The following TMEFF1 variants were observed in gnomAD, a reference collection of about 807,000 sequenced individuals.
TMEFF1 encodes the protein tomoregulin-1.
Under a neutral mutation model 47.5 loss-of-function variants are expected in TMEFF1, and 20 were observed. The observed-to-expected ratio is 0.42, with a 90% CI of 0.30 to 0.61. TMEFF1 has a LOEUF of 0.61. TMEFF1 is among the 20% of genes least tolerant of loss of function. The pLI is 0.19. For synonymous variants in TMEFF1, 162 were observed against 166.3 expected, an observed-to-expected ratio of 0.97 and a Z score of 0.20; for missense variants, 411 against 471.1, an observed-to-expected ratio of 0.87 and a Z score of 1.18.
chr9:100,473,741 G>A lies in TMEFF1; in HGVS notation c.196+1G>A. ...AAAGGCAAGAGCATCAACTGCTCAG[G>A]TAGGACCGGTCGGAGCCGGCCCTAG... On this transcript the variant is annotated splice_donor_variant, in intron 1 of 9. Coordinates refer to ENST00000374879, the MANE Select transcript of TMEFF1 (RefSeq NM_003692.5). LOFTEE classifies it high-confidence loss of function. The surrounding 1 kb of genome is among the most constrained non-coding windows in gnomAD (Gnocchi z 5.4). The A allele has an allele frequency of 1.3e-6, 2 of 1,514,560 alleles. No homozygotes were observed. The highest frequency in any genetic ancestry group is 8.9e-7 in the Non-Finnish European group (1 of 1,127,938). 93.8% of individuals were successfully genotyped at this position (1,514,560 alleles called of 1,614,324 possible).
At chr9:100,565,848 G>T (rs1839116447) in intron 8 of TMEFF1, among the ~76,000 whole-genome samples, 1 of 151,950 alleles carries the variant, frequency 6.6e-6, no homozygotes, top group Non-Finnish European at 1.5e-5. Context: ...ATTCCCACCA[G>T]TTACTGTCCT....
intron 1 of TMEFF1, among the ~76,000 whole-genome samples, chr9:100,488,133 A>G (rs558367990): frequency 6.6e-6 from 1 of 152,196 alleles, no homozygotes; most frequent in East Asian, 1.9e-4. Flanking sequence ...TTAATGAAGG[A>G]AATGTATTGA....
intron 1 of TMEFF1, among the ~76,000 whole-genome samples, chr9:100,489,919 C>T (rs1441745644): frequency 1.3e-5 from 2 of 152,136 alleles, no homozygotes; most frequent in Non-Finnish European, 2.9e-5. Context: ...GGAGACTTAA[C>T]CACTCAACTC....
rs898132289 is a variant in TMEFF1 at position 100,509,227 on chromosome 9, G to C, written c.436+93G>C. 4 of 1,363,084 alleles carry C rather than the reference G, an allele frequency of 2.9e-6. No individual in the cohort carries two copies. In the African/African-American group the frequency reaches 4.5e-5, roughly 15 times the overall value. 84.4% of individuals were successfully genotyped at this position (1,363,084 alleles called of 1,614,324 possible). ...GAGTCAGAGGTATATTTCCACAACT[G>C]CTGTGTGGATTGGTGGTGGTTGTTG... is the stretch of plus-strand genomic sequence containing the variant. On this transcript the variant is annotated intron_variant, in intron 3 of 9. Coordinates refer to ENST00000374879, the MANE Select transcript of TMEFF1 (RefSeq NM_003692.5).
At chr9:100,510,583 C>T (rs1351567101) in intron 3 of TMEFF1, among the ~76,000 whole-genome samples, 2 of 152,164 alleles carry the variant, frequency 1.3e-5, no homozygotes, top group African/African-American at 2.4e-5. Context: ...GATCCTCCCA[C>T]CTCCGTCTCC....
chr9:100,521,693 A>G (rs991465767), intron 5 of TMEFF1, among the ~76,000 whole-genome samples: 2 of 152,190 alleles, frequency 1.3e-5, no homozygotes, highest in South Asian at 4.1e-4. Flanking sequence ...CCCGACCTAA[A>G]TCCCTGCCCA....
rs60569330 is a variant in TMEFF1, at chr9:100,519,647, CT to C, written c.560+2905del. On this transcript the variant is annotated intron_variant, in intron 5 of 9. Transcript: ENST00000374879. ...TACTTTGAGGACTGCTGCCCAGTGA[CT>C]TTTTTTTTTTTTTTTTTTTTTTTTT... is the stretch of plus-strand genomic sequence containing the variant. Among the ~76,000 whole-genome samples, 467 of 65,128 alleles carry C rather than the reference CT, an allele frequency of 7.2e-3. 3 individuals are homozygous for C. Among genetic ancestry groups the C allele is most frequent in the African/African-American group, 0.02 (352 of 17,226 alleles). 42.7% of individuals were successfully genotyped at this position (65,128 alleles called of 152,430 possible).
chr9:100,566,051 C>T (rs549343988), intron 8 of TMEFF1, among the ~76,000 whole-genome samples: 1 of 152,210 alleles, frequency 6.6e-6, no homozygotes, highest in Non-Finnish European at 1.5e-5. Context: ...GCATTTGACA[C>T]ACTTGTTCAC....
At chr9:100,533,249 A>T (rs1838433385) in intron 5 of TMEFF1, among the ~76,000 whole-genome samples, 1 of 152,206 alleles carries the variant, frequency 6.6e-6, no homozygotes, top group South Asian at 2.1e-4. Context: ...AATAAAAAAA[A>T]AATGCCTGGA....
chr9:100,565,150 A>C (rs1388934949), intron 8 of TMEFF1, among the ~76,000 whole-genome samples: 4 of 152,134 alleles, frequency 2.6e-5, no homozygotes, highest in Non-Finnish European at 4.4e-5. Context: ...AACTGATGAG[A>C]GAGATGTGAT....
At chr9:100,573,161 A>G (rs1276442343) in intron 9 of TMEFF1, among the ~76,000 whole-genome samples, 2 of 152,156 alleles carry the variant, frequency 1.3e-5, no homozygotes, top group African/African-American at 2.4e-5. Flanking sequence ...CTGCACATGC[A>G]TAGGAGATCC....
At chr9:100,544,829 T>G (rs1186655010) in intron 5 of TMEFF1, among the ~76,000 whole-genome samples, 2 of 152,244 alleles carry the variant, frequency 1.3e-5, no homozygotes, top group African/African-American at 2.4e-5. Flanking sequence ...CCATTCCAAG[T>G]GGCAGAAATT....
Position 100,524,403 on chromosome 9 carries a change from C to T in TMEFF1, c.560+7632C>T, listed in dbSNP as rs536988378. ...GTGCCCACTTAGAGAGGAAGGCTTA[C>T]GGAAGACACTTTGAACAGCCTCTGT... On this transcript the variant is annotated intron_variant, in intron 5 of 9. Transcript: ENST00000374879. 5.9e-5 allele frequency among the ~76,000 whole-genome samples: 9 copies of T among 152,318 alleles called. No homozygotes were observed. The South Asian group carries it at 1.4e-3, about 25-fold the overall frequency.
intron 1 of TMEFF1, among the ~76,000 whole-genome samples, chr9:100,494,593 G>T (rs1837618021): frequency 6.6e-6 from 1 of 152,124 alleles, no homozygotes. Flanking sequence ...CAACAGGTTT[G>T]CTCTCCAGTC....
At chr9:100,521,710 G>C (rs1193821443) in intron 5 of TMEFF1, among the ~76,000 whole-genome samples, 3 of 152,194 alleles carry the variant, frequency 2.0e-5, no homozygotes, top group Non-Finnish European at 4.4e-5. Flanking sequence ...CCCAGGAATG[G>C]TGTGAGGAGT....
intron 5 of TMEFF1, among the ~76,000 whole-genome samples, chr9:100,531,103 A>G (rs1402724443): frequency 2.0e-5 from 3 of 152,258 alleles, no homozygotes; most frequent in East Asian, 1.9e-4. Flanking sequence ...AATAAGAGCT[A>G]TCTATGACAA....
intron 4 of TMEFF1, among the ~76,000 whole-genome samples, chr9:100,515,202 A>T (rs559885386): frequency 9.9e-5 from 15 of 152,160 alleles, no homozygotes; most frequent in African/African-American, 3.1e-4. Flanking sequence ...GACCATTTTT[A>T]AAAAATTTTT....
intron 6 of TMEFF1, 84 bp from the exon 7 acceptor site, chr9:100,550,011 G>C: frequency 6.9e-7 from 1 of 1,457,888 alleles, no homozygotes; most frequent in Non-Finnish European, 9.2e-7. Flanking sequence ...AGAAGAACTT[G>C]GAATAATTTG....
At chr9:100,553,641 A>T (rs1158199875) in intron 7 of TMEFF1, among the ~76,000 whole-genome samples, 1 of 152,200 alleles carries the variant, frequency 6.6e-6, no homozygotes, top group Non-Finnish European at 1.5e-5. Flanking sequence ...TCTGTTGTAG[A>T]TGTTGAAGTC....
Sources: allele counts gnomAD v4.1 joint callset (sites outside exome capture counted in the v4.1 genomes callset), GRCh38; gene constraint gnomAD v4.1.1; non-coding constraint Gnocchi (gnomAD v3.1); transcripts MANE v1.5; gene names NCBI Gene and HGNC (gene_info 2026-07-23, HGNC 2026-07-21).